Variants in MYLK observed in about 807,000 individuals in gnomAD.
MYLK encodes myosin light chain kinase, smooth muscle.
MYLK carries 106 observed loss-of-function variants against 203.4 expected under a neutral mutation model. The ratio of observed to expected loss-of-function variants is 0.52; its 90% CI spans 0.45 to 0.61. The LOEUF (loss-of-function observed/expected upper bound fraction) is 0.61. MYLK is among the 20% of genes least tolerant of loss of function. The pLI is 0.00. For synonymous variants in MYLK, 867 were observed against 959.5 expected (o/e 0.90, Z 1.78); for missense variants, 2,072 against 2,442.3 (o/e 0.85, Z 3.20).
In MYLK at chr3:123,640,958, C is replaced by T. The variant is rs3108519; in HGVS notation, c.4620-454G>A. ...AGCATTTGTTCTGCATAGCCAGGAA[C>T]GGAAAAATATCTTCAATCATCAATA... On this transcript the variant is annotated intron_variant, in intron 27 of 33. Transcript: ENST00000360304. The surrounding 1 kb of genome is among the most constrained non-coding windows in gnomAD (Gnocchi z 4.3). Among the ~76,000 whole-genome samples, 4,203 of 152,266 alleles carry T rather than the reference C, an allele frequency of 0.028. 84 individuals carry two copies. Among genetic ancestry groups the T allele is most frequent in the Middle Eastern group, 0.092 (27 of 294 alleles).
At chr3:123,824,494 C>T (rs1309510077) in intron 3 of MYLK, among the ~76,000 whole-genome samples, 4 of 152,154 alleles carry the variant, frequency 2.6e-5, no homozygotes, top group Admixed American at 2.0e-4. Flanking sequence ...ATTCAAAGAG[C>T]ACTTGTTAAA....
intron 23 of MYLK, among the ~76,000 whole-genome samples, chr3:123,661,212 G>A (rs969790986): frequency 2.6e-5 from 4 of 152,194 alleles, no homozygotes; most frequent in Admixed American, 6.5e-5. Context: ...GTGGCACTGC[G>A]CAGGAGCTGG....
chr3:123,689,646 A>G (rs1475781222), intron 19 of MYLK: 1 of 152,190 alleles, frequency 6.6e-6, no homozygotes, highest in African/African-American at 2.4e-5. Context: ...TGTTGCATAG[A>G]CTGAAAATGC....
At chr3:123,627,044 G>C in intron 30 of MYLK, 103 bp from the exon 31 acceptor site, 1 of 1,343,192 alleles carries the variant, frequency 7.4e-7, no homozygotes, top group East Asian at 2.4e-5. Context: ...CATGAGGGCA[G>C]AGCCCAGGGC....
chr3:123,621,815 C>T (rs1478589148), intron 31 of MYLK: 2 of 152,366 alleles, frequency 1.3e-5, no homozygotes, highest in South Asian at 2.1e-4. Flanking sequence ...CCTCTGCCAC[C>T]ACAGTGAGGC....
intron 3 of MYLK, among the ~76,000 whole-genome samples, chr3:123,795,230 G>A (rs1324117764): frequency 6.6e-6 from 1 of 152,092 alleles, no homozygotes; most frequent in East Asian, 1.9e-4. Flanking sequence ...TAAAATAAGG[G>A]GGAAAAGTTG....
chr3:123,722,430 TC>T, intron 12 of MYLK, 150 bp from the exon 13 acceptor site: 1 of 1,022,940 alleles, frequency 9.8e-7, no homozygotes, highest in Non-Finnish European at 1.5e-6. Flanking sequence ...CATGCACATC[TC>T]CAGCCAGCTG....
At chr3:123,877,172 T>C (rs2033204102) in intron 1 of MYLK, among the ~76,000 whole-genome samples, 1 of 152,022 alleles carries the variant, frequency 6.6e-6, no homozygotes, top group African/African-American at 2.4e-5. Context: ...CAGGAAAGTA[T>C]CAATTGGGCT....
intron 8 of MYLK, chr3:123,735,658 A>C (rs922792482): frequency 4.5e-5 from 23 of 515,682 alleles, no homozygotes; most frequent in Non-Finnish European, 1.1e-5. Context: ...AGGGCATGGA[A>C]TCTGTTTCTG....
intron 2 of MYLK, among the ~76,000 whole-genome samples, chr3:123,872,190 T>C (rs2032836812): frequency 6.6e-6 from 1 of 152,172 alleles, no homozygotes; most frequent in East Asian, 1.9e-4. Context: ...GCTGAATCAC[T>C]GAGTAGAGGA....
chr3:123,720,009 C>T (rs1047669860), intron 13 of MYLK, among the ~76,000 whole-genome samples: 13 of 152,234 alleles, frequency 8.5e-5, no homozygotes, highest in African/African-American at 3.1e-4. Flanking sequence ...TGCCAAGAGC[C>T]CAAATGCTGC....
chr3:123,875,872 T>C (rs765157674), intron 2 of MYLK, among the ~76,000 whole-genome samples: 4 of 152,092 alleles, frequency 2.6e-5, no homozygotes, highest in Admixed American at 2.6e-4. Flanking sequence ...GATGATCAGG[T>C]AGATACTGAA....
chr3:123,831,631 G>A lies in MYLK; in HGVS notation c.-87C>T. 1.0e-5 allele frequency: 3 copies of A among 292,510 alleles called. No homozygotes were observed. The highest frequency in any genetic ancestry group is 1.0e-4 in the South Asian group (3 of 29,396). The allele number at this position is 292,510 out of a possible 1,614,324, so 18.1% of individuals were successfully genotyped here. On this transcript the variant is annotated 5_prime_UTR_variant, in exon 3 of 34. Coordinates refer to ENST00000360304, the MANE Select transcript of MYLK (RefSeq NM_053025.4). The stretch of plus-strand genomic sequence containing the variant: ...TGAAGCTCTCGGCTGGGAAGCTCCT[G>A]AAGTTGCTCTGAACTGCAGCAGAGG...
intron 3 of MYLK, among the ~76,000 whole-genome samples, chr3:123,794,132 C>A (rs961630796): frequency 6.6e-6 from 1 of 152,252 alleles, no homozygotes; most frequent in African/African-American, 2.4e-5. Flanking sequence ...TCACTGACCC[C>A]TTCTTCTAGG....
In MYLK at chr3:123,649,041, A is replaced by C; in HGVS notation, c.4345T>G (p.Tyr1449Asp). The C allele has an allele frequency of 6.2e-7, 1 of 1,614,158 alleles. No homozygotes were observed. Among genetic ancestry groups the C allele is most frequent in the East Asian group, 2.2e-5 (1 of 44,882 alleles). ...DDDEKEPEVDYRTVTINTEQK... is the reference protein window; with the variant it reads ...DDDEKEPEVDDRTVTINTEQK... Reference sequence around the variant, plus strand: ...TCAGTATTGATTGTCACTGTCCGGTAATCAACCTCGGGCTCCTTCTCATCT... The same window carrying C: ...TCAGTATTGATTGTCACTGTCCGGTCATCAACCTCGGGCTCCTTCTCATCT... Residue 1449 changes from tyrosine to aspartate, a missense_variant, in exon 26 of 34, where the codon TAC becomes GAC. Transcript: ENST00000360304.
chr3:123,664,397 C>T (rs2059667573), intron 22 of MYLK, 139 bp from the exon 23 acceptor site: 1 of 1,218,614 alleles, frequency 8.2e-7, no homozygotes. Context: ...CTGGACTCTG[C>T]CCTTCTCCCT....
intron 24 of MYLK, among the ~76,000 whole-genome samples, chr3:123,652,577 G>C (rs1235187989): frequency 1.3e-5 from 2 of 152,250 alleles, no homozygotes; most frequent in South Asian, 4.1e-4. Flanking sequence ...CCAGGGCGTA[G>C]CTGCAGCCTG....
intron 5 of MYLK, among the ~76,000 whole-genome samples, chr3:123,745,401 T>A (rs2062985002): frequency 6.6e-6 from 1 of 152,178 alleles, no homozygotes; most frequent in African/African-American, 2.4e-5. Context: ...AGAACCAGAA[T>A]TTCTGGTTGA....
intron 31 of MYLK, 46 bp from the exon 32 acceptor site, chr3:123,620,382 C>G (rs899384635): frequency 1.9e-6 from 3 of 1,613,076 alleles, no homozygotes; most frequent in African/African-American, 2.7e-5. Context: ...GTCCCTGGTT[C>G]CAGCTGGGTA....
Sources: allele counts gnomAD v4.1 joint callset (sites outside exome capture counted in the v4.1 genomes callset), GRCh38; gene constraint gnomAD v4.1.1; non-coding constraint Gnocchi (gnomAD v3.1); transcripts MANE v1.5; gene names NCBI Gene and HGNC (gene_info 2026-07-23, HGNC 2026-07-21).